FAM227B: variants seen among roughly 807,000 people sequenced by gnomAD.
FAM227B encodes the protein family with sequence similarity 227 member B, also known as protein FAM227B.
Under a neutral mutation model 73.8 loss-of-function variants are expected in FAM227B, and 88 were observed. The observed-to-expected ratio is 1.19, with a 90% confidence interval of 1.00 to 1.42. The LOEUF (loss-of-function observed/expected upper bound fraction) is 1.42. FAM227B is among the 40% of genes most tolerant of loss of function. The probability of loss-of-function intolerance (pLI) is 0.00; values close to 1 mark genes in which losing one functional copy is unlikely to be tolerated. For missense variants in FAM227B, 632 were observed against 590.9 expected, an observed-to-expected ratio of 1.07 and a Z score of -0.72; for synonymous variants, 210 against 190.5, an observed-to-expected ratio of 1.10 and a Z score of -0.84.
chr15:49,479,696 C>G (rs953347728), intron 11 of FAM227B, among the ~76,000 whole-genome samples: 53 of 145,316 alleles, frequency 3.6e-4, no homozygotes, highest in African/African-American at 1.2e-3. Flanking sequence ...TCACTGCAAC[C>G]TCCGCCTCCC....
chr15:49,366,736 T>C (rs1006699314), intron 13 of FAM227B: 1 of 956,128 alleles, frequency 1.0e-6, no homozygotes, highest in Non-Finnish European at 1.6e-6. Context: ...CTAGGTGGGG[T>C]AGGCTGGGAG....
intron 11 of FAM227B, among the ~76,000 whole-genome samples, chr15:49,498,049 A>T (rs557788165): frequency 6.6e-6 from 1 of 152,236 alleles, no homozygotes; most frequent in Non-Finnish European, 1.5e-5. Context: ...CCAGGAAAAG[A>T]CCTAAAAACT....
chr15:49,509,550 C>T (rs68095295), intron 10 of FAM227B, among the ~76,000 whole-genome samples: 49,070 of 150,792 alleles, frequency 0.33, 8,655 homozygotes, highest in African/African-American at 0.45. Context: ...TGCCTGATCC[C>T]TAGTAAGCAC....
chr15:49,503,213 GC>G (rs1372457600), intron 11 of FAM227B, among the ~76,000 whole-genome samples: 1 of 152,146 alleles, frequency 6.6e-6, no homozygotes, highest in Non-Finnish European at 1.5e-5. Context: ...GGGAAAACTG[GC>G]TAGCCATATG....
chr15:49,366,891 G>C (rs906721867), intron 13 of FAM227B, among the ~76,000 whole-genome samples: 1 of 152,160 alleles, frequency 6.6e-6, no homozygotes, highest in African/African-American at 2.4e-5. Flanking sequence ...CCTTAATGAG[G>C]ACTGGGCCAA....
intron 11 of FAM227B, among the ~76,000 whole-genome samples, chr15:49,440,193 T>G (rs1329970914): frequency 1.3e-5 from 2 of 151,826 alleles, no homozygotes; most frequent in African/African-American, 4.8e-5. Flanking sequence ...TTAAACCCAC[T>G]GTGTAAACAA....
chr15:49,490,685 T>C (rs2057010526), intron 11 of FAM227B, among the ~76,000 whole-genome samples: 1 of 152,014 alleles, frequency 6.6e-6, no homozygotes, highest in Non-Finnish European at 1.5e-5. Flanking sequence ...AGGGCATAGC[T>C]CTACATCGAA....
At chr15:49,431,079 T>A (rs2151786445) in intron 11 of FAM227B, among the ~76,000 whole-genome samples, 1 of 151,998 alleles carries the variant, frequency 6.6e-6, no homozygotes, top group African/African-American at 2.4e-5. Flanking sequence ...ACAATACTTT[T>A]CCATTTTTAA....
intron 3 of FAM227B, among the ~76,000 whole-genome samples, chr15:49,590,491 A>T (rs187985017): frequency 3.3e-4 from 50 of 152,258 alleles, no homozygotes; most frequent in African/African-American, 1.2e-3. Context: ...TGGGGAAGGG[A>T]AGGGGGAAGA....
At chr15:49,574,936 CTAGACTTATCTCTAT>C in intron 8 of FAM227B, 60 bp downstream of exon 8, 1 of 852,228 alleles carries the variant, frequency 1.2e-6, no homozygotes, top group Non-Finnish European at 1.8e-6. Context: ...CATTTTTGTA[CTAGACTTATCTCTAT>C]TGAAAAATTA....
intron 13 of FAM227B, chr15:49,353,645 T>C (rs1420682332): frequency 7.3e-6 from 1 of 137,080 alleles, no homozygotes. Flanking sequence ...ATCTCATAAA[T>C]AATAGAACAA....
chr15:49,593,069 T>C (rs1255666633), intron 3 of FAM227B, among the ~76,000 whole-genome samples: 1 of 152,194 alleles, frequency 6.6e-6, no homozygotes, highest in Non-Finnish European at 1.5e-5. Context: ...AGAAGTGTAC[T>C]GATTTTCCAG....
chr15:49,463,572 A>C (rs2053998306), intron 11 of FAM227B, among the ~76,000 whole-genome samples: 1 of 140,970 alleles, frequency 7.1e-6, no homozygotes. Flanking sequence ...AAAAATATCC[A>C]AACTCAACTA....
chr15:49,472,463 G>A (rs535464559), intron 11 of FAM227B, among the ~76,000 whole-genome samples: 6 of 152,112 alleles, frequency 3.9e-5, no homozygotes, highest in African/African-American at 1.4e-4. Flanking sequence ...CAGTTAAATC[G>A]CATCAGCTAA....
At chr15:49,446,629 A>T (rs2052244764) in intron 11 of FAM227B, among the ~76,000 whole-genome samples, 1 of 151,542 alleles carries the variant, frequency 6.6e-6, no homozygotes, top group African/African-American at 2.4e-5. Flanking sequence ...TGTGAAAAAA[A>T]GGTGCAGATG....
In FAM227B at chr15:49,588,074, C is replaced by A; in HGVS notation, c.347G>T (p.Arg116Ile). 7.1e-7 allele frequency: 1 copy of A among 1,400,808 alleles called. No homozygotes were observed. Among genetic ancestry groups the A allele is most frequent in the Non-Finnish European group, 9.5e-7 (1 of 1,048,156 alleles). The allele number at this position is 1,400,808 out of a possible 1,614,324, so 86.8% of individuals were successfully genotyped here. Residue 116 changes from arginine (R) to isoleucine (I), a missense_variant, in exon 5 of 16, where the codon AGA becomes ATA. Arg to Ile is a moderately conservative substitution (Grantham distance 97). Transcript: ENST00000299338. ...AAATTCCCCATATCGTTCCAATTTT[C>A]TATAAGAACCTTTAAGAAAATAAGA... ...KSMISETSSY[R>I]KLERYGEFLK...
rs1432810961 is a variant in FAM227B, at chr15:49,422,118, C to CAGAGAGAGAGAGAGAGAGAGAGAG, written c.1013-50720_1013-50719insCTCTCTCTCTCTCTCTCTCTCTCT. On this transcript the variant is annotated intron_variant, in intron 11 of 15. Transcript: ENST00000299338. ...CCTGGTGGTAAAGTAGTGCATTTCA[C>CAGAGAGAGAGAGAGAGAGAGAGAG]ATAGAGAGAGAGAGAGAGAGAGAGA... Among the ~76,000 whole-genome samples, 258 of 78,878 alleles carry CAGAGAGAGAGAGAGAGAGAGAGAG rather than the reference C, an allele frequency of 3.3e-3. 5 individuals are homozygous for CAGAGAGAGAGAGAGAGAGAGAGAG. Among genetic ancestry groups the CAGAGAGAGAGAGAGAGAGAGAGAG allele is most frequent in the South Asian group, 0.02 (41 of 2,078 alleles). 51.7% of individuals were successfully genotyped at this position (78,878 alleles called of 152,430 possible).
Position 49,422,118 on chromosome 15 carries a change from C to CAGAGAGAGAGAGAGAGAGAGAG in FAM227B, c.1013-50720_1013-50719insCTCTCTCTCTCTCTCTCTCTCT, listed in dbSNP as rs1432810961. ...CCTGGTGGTAAAGTAGTGCATTTCA[C>CAGAGAGAGAGAGAGAGAGAGAG]ATAGAGAGAGAGAGAGAGAGAGAGA... is the stretch of plus-strand genomic sequence containing the variant. On this transcript the variant is annotated intron_variant, in intron 11 of 15. Coordinates refer to ENST00000299338, the MANE Select transcript of FAM227B (RefSeq NM_152647.3). Among the ~76,000 whole-genome samples, 226 of 78,926 alleles carry CAGAGAGAGAGAGAGAGAGAGAG rather than the reference C, an allele frequency of 2.9e-3. 3 individuals are homozygous for CAGAGAGAGAGAGAGAGAGAGAG. The highest frequency in any genetic ancestry group is 0.022 in the South Asian group (45 of 2,072). 51.8% of individuals were successfully genotyped at this position (78,926 alleles called of 152,430 possible). A position where few individuals can be genotyped will look rare whatever the true frequency, so the allele number is the denominator to read the frequency against.
At chr15:49,496,591 TCATGA>T (rs2057631403) in intron 11 of FAM227B, among the ~76,000 whole-genome samples, 1 of 152,170 alleles carries the variant, frequency 6.6e-6, no homozygotes, top group African/African-American at 2.4e-5. Flanking sequence ...AAGGGAGATA[TCATGA>T]CATTTTGTTT....
Sources: allele counts gnomAD v4.1 joint callset (sites outside exome capture counted in the v4.1 genomes callset), GRCh38; gene constraint gnomAD v4.1.1; transcripts MANE v1.5; gene names NCBI Gene and HGNC (gene_info 2026-07-23, HGNC 2026-07-21).